MYH14: variants seen among roughly 807,000 people sequenced by gnomAD.
The protein encoded by MYH14 is myosin heavy chain 14, also known as myosin-14.
In MYH14, 123 loss-of-function variants were observed where a neutral mutation model predicts 255.5. The observed-to-expected ratio is 0.48, with a 90% CI of 0.42 to 0.56. MYH14 has a LOEUF of 0.56. MYH14 is among the 20% of genes least tolerant of loss of function. The pLI is 0.00. For synonymous variants in MYH14, 1,095 were observed against 1,161.2 expected (o/e 0.94, Z 1.16); for missense variants, 2,423 against 2,802.3 (o/e 0.86, Z 3.06).
chr19:50,275,873 G>A (rs2035484717), intron 27 of MYH14, 118 bp from the exon 28 acceptor site: 1 of 741,302 alleles, frequency 1.3e-6, no homozygotes, highest in Non-Finnish European at 2.2e-6. Flanking sequence ...GGCAGAGAGA[G>A]GATTCTAACC....
At position 50,224,168 on chromosome 19, in the gene MYH14, C is replaced by T. The variant is rs1011558475; in HGVS notation, c.708C>T (p.Thr236=). ...GACTTCCTCAGGCCTCCGTCAGCAC[C>T]GTGTCTTATGTGAGTAGCAGGGGAT... ...KEPGVPASVS[T]VSYGELERQL... is the part of the protein sequence containing the mutation. Residue 236 remains threonine (T), a synonymous_variant, in exon 6 of 43, where the codon ACC becomes ACT. Coordinates refer to ENST00000642316, the MANE Select transcript of MYH14 (RefSeq NM_001145809.2). 24 of 1,613,712 alleles carry T rather than the reference C, an allele frequency of 1.5e-5. No homozygotes were observed. Among genetic ancestry groups the T allele is most frequent in the Admixed American group, 1.7e-5 (1 of 59,964 alleles).
At chr19:50,301,900 G>A in intron 40 of MYH14, 31 bp downstream of exon 40, 1 of 1,554,416 alleles carries the variant, frequency 6.4e-7, no homozygotes, top group East Asian at 2.3e-5. Context: ...CAGGAGAAAG[G>A]TGACCTCCAC....
At position 50,267,623 on chromosome 19, in the gene MYH14, A is replaced by AAATAATAATAAT. The variant is rs56141769; in HGVS notation, c.2827-525_2827-514dup. ...TCGGCAGAGTGAGACTCTGTCTCAA[A>AAATAATAATAAT]AATAATAATAATAATAATAATAATG... On this transcript the variant is annotated intron_variant, in intron 23 of 42. Coordinates refer to ENST00000642316, the MANE Select transcript of MYH14 (RefSeq NM_001145809.2). 3.0e-3 allele frequency among the ~76,000 whole-genome samples: 443 copies of AAATAATAATAAT among 149,204 alleles called. 3 individuals are homozygous for AAATAATAATAAT. Among genetic ancestry groups the AAATAATAATAAT allele is most frequent in the South Asian group, 0.027 (127 of 4,634 alleles).
In MYH14 at chr19:50,301,661, G is replaced by A. The variant is rs1383894963; in HGVS notation, c.5470G>A (p.Val1824Ile). The A allele has an allele frequency of 6.2e-7, 1 of 1,611,886 alleles. No homozygotes were observed. The highest frequency in any genetic ancestry group is 1.7e-5 in the Admixed American group (1 of 59,966). ...ATCCTTCCTTCCCCTCCTGCTACAG[G>A]TAGAGTCACTGACCACAGAGCTGTC... ...NDRYRKLLLQ[V>I]ESLTTELSAE... Residue 1824 changes from valine (V) to isoleucine (I), a missense_variant and splice_region_variant, in exon 40 of 43, where the codon GTA becomes ATA. This residue lies in a region of MYH14 where 1,513 missense variants were observed against 1,674.8 expected (regional missense o/e 0.90). Transcript: ENST00000642316.
Position 50,252,824 on chromosome 19 carries a change from AC to A in MYH14, c.1945+73del, listed in dbSNP as rs2123319541. The A allele has an allele frequency of 1.8e-6, 2 of 1,139,610 alleles. No individual in the cohort carries two copies. The highest frequency in any genetic ancestry group is 2.8e-5 in the South Asian group (2 of 71,412). The allele number at this position is 1,139,610 out of a possible 1,614,324, so 70.6% of individuals were successfully genotyped here. On this transcript the variant is annotated intron_variant, in intron 16 of 42. Coordinates refer to ENST00000642316, the MANE Select transcript of MYH14 (RefSeq NM_001145809.2). The surrounding 1 kb of genome is among the most constrained non-coding windows in gnomAD (Gnocchi z 4.2). Reference sequence around the variant, plus strand: ...CATTCTCCAAATCCACAGCGTGAGCACCTTTGTTTCAGAGGCGGAGGTCTGA... The same window carrying A: ...CATTCTCCAAATCCACAGCGTGAGCACTTTGTTTCAGAGGCGGAGGTCTGA...
At chr19:50,292,132 T>C in intron 36 of MYH14, 129 bp from the exon 37 acceptor site, 1 of 942,098 alleles carries the variant, frequency 1.1e-6, no homozygotes, top group Non-Finnish European at 1.5e-6. Flanking sequence ...AGCCCAGGTC[T>C]GCAGGGTTCG....
intron 22 of MYH14, among the ~76,000 whole-genome samples, chr19:50,265,362 AAC>A (rs1555770055): frequency 6.6e-6 from 1 of 151,648 alleles, no homozygotes; most frequent in East Asian, 1.9e-4. Context: ...AAAAAAAAAA[AAC>A]AAAAACAAAA....
At chr19:50,253,631 C>T (rs529553227) in intron 16 of MYH14, among the ~76,000 whole-genome samples, 80 of 152,144 alleles carry the variant, frequency 5.3e-4, no homozygotes, top group African/African-American at 1.7e-3. Flanking sequence ...CTTTCCTGCC[C>T]CCAAAAGGCC....
Position 50,293,585 on chromosome 19 carries a change from G to A in MYH14, c.5367G>A (p.Lys1789=), listed in dbSNP as rs756939986. 1 of 1,613,266 alleles carries A rather than the reference G, an allele frequency of 6.2e-7. No homozygotes were observed. The highest frequency in any genetic ancestry group is 1.1e-5 in the South Asian group (1 of 90,994). ...NLSKAAILEE[K]RQLEGRLGQL... ...CTAGGGCAGCCATTCTGGAGGAGAA[G>A]CGTCAGCTGGAGGGGCGCCTGGGGC... Residue 1789 remains lysine, a synonymous_variant, in exon 39 of 43, where the codon AAG becomes AAA. Coordinates refer to ENST00000642316, the MANE Select transcript of MYH14 (RefSeq NM_001145809.2). The surrounding 1 kb of genome is among the most constrained non-coding windows in gnomAD (Gnocchi z 4.1).
intron 40 of MYH14, among the ~76,000 whole-genome samples, chr19:50,304,870 T>C (rs1472927437): frequency 6.6e-6 from 1 of 152,108 alleles, no homozygotes; most frequent in Non-Finnish European, 1.5e-5. Flanking sequence ...CTGACAAGAA[T>C]GGGATTTCCA....
chr19:50,268,361 C>A lies in MYH14; in HGVS notation c.3027C>A (p.His1009Gln). 1 of 1,567,958 alleles carries A rather than the reference C, an allele frequency of 6.4e-7. No individual in the cohort carries two copies. The highest frequency in any genetic ancestry group is 1.2e-5 in the South Asian group (1 of 84,940). Residue 1009 changes from histidine to glutamine, a missense_variant, in exon 24 of 43, where the codon CAC becomes CAA. Physicochemically the swap from His to Gln is conservative, Grantham distance 24. This residue lies in a region of MYH14 where 1,513 missense variants were observed against 1,674.8 expected (regional missense o/e 0.90). Coordinates refer to ENST00000642316, the MANE Select transcript of MYH14 (RefSeq NM_001145809.2). ...MQTEKKRLQQHIQELEAHLEA... is the reference protein window; with the variant it reads ...MQTEKKRLQQQIQELEAHLEA... ...CCGAGAAGAAGAGGCTGCAGCAGCACATACAGGTCTGGCCCCTTGCATGCC... is the reference window on the plus strand; with the variant it reads ...CCGAGAAGAAGAGGCTGCAGCAGCAAATACAGGTCTGGCCCCTTGCATGCC...
At chr19:50,302,113 T>TAAA (rs765650409) in intron 40 of MYH14, among the ~76,000 whole-genome samples, 4 of 54,620 alleles carry the variant, frequency 7.3e-5, no homozygotes, top group African/African-American at 2.3e-4. Context: ...ACCTCATCTC[T>TAAA]AAAAAAAAAA....
At chr19:50,271,364 A>G (rs2035292760) in intron 24 of MYH14, 45 bp from the exon 25 acceptor site, 36 of 1,571,592 alleles carry the variant, frequency 2.3e-5, no homozygotes, top group Non-Finnish European at 3.0e-5. Flanking sequence ...ATCACACTCC[A>G]TCTATTGGCC....
Position 50,280,342 on chromosome 19 carries a change from A to G in MYH14, c.4249A>G (p.Arg1417Gly). Residue 1417 changes from arginine to glycine, a missense_variant, in exon 32 of 43, where the codon AGG (arginine) becomes GGG (glycine). Physicochemically the swap from Arg to Gly is moderately radical, Grantham distance 125. This residue lies in a region of MYH14 where 1,513 missense variants were observed against 1,674.8 expected (regional missense o/e 0.90). Coordinates refer to ENST00000642316, the MANE Select transcript of MYH14 (RefSeq NM_001145809.2). This position sits in a 1 kb window ranked among gnomAD's most constrained non-coding sequence, Gnocchi z 4.8. Reference sequence around the variant, plus strand: ...GCAGCTGGAGGAGGAGGCAGCTGCCAGGGAACGGGCGGGCCGTGAACTGCA... The same window carrying G: ...GCAGCTGGAGGAGGAGGCAGCTGCCGGGGAACGGGCGGGCCGTGAACTGCA... ...REQLEEEAAA[R>G]ERAGRELQTA... The G allele has an allele frequency of 1.3e-6, 2 of 1,548,740 alleles. No individual in the cohort carries two copies. Among genetic ancestry groups the G allele is most frequent in the Non-Finnish European group, 8.7e-7 (1 of 1,146,088 alleles).
chr19:50,237,487 G>A (rs1010307778), intron 10 of MYH14, among the ~76,000 whole-genome samples: 9 of 152,132 alleles, frequency 5.9e-5, no homozygotes, highest in African/African-American at 2.2e-4. Context: ...CACCACACCC[G>A]CTAACTTTTT....
intron 3 of MYH14, among the ~76,000 whole-genome samples, chr19:50,218,581 C>G (rs1430892279): frequency 2.0e-5 from 3 of 151,132 alleles, no homozygotes; most frequent in Non-Finnish European, 3.0e-5. Flanking sequence ...CTGGGAGACA[C>G]AGGGAGACTC....
At chr19:50,305,091 A>G (rs1445011068) in intron 40 of MYH14, among the ~76,000 whole-genome samples, 10 of 152,018 alleles carry the variant, frequency 6.6e-5, no homozygotes, top group Admixed American at 6.5e-4. Context: ...CCTGGGGGCA[A>G]TGGGGAGCCA....
At chr19:50,290,598 G>A (rs1262801455) in intron 35 of MYH14, among the ~76,000 whole-genome samples, 1 of 152,180 alleles carries the variant, frequency 6.6e-6, no homozygotes, top group African/African-American at 2.4e-5. Flanking sequence ...ACTTGGCCCT[G>A]GGGGCACTGG....
At chr19:50,205,454 G>T (rs1446773977) in intron 1 of MYH14, 2 of 152,332 alleles carry the variant, frequency 1.3e-5, no homozygotes, top group African/African-American at 4.8e-5. Flanking sequence ...GTGACGCGAC[G>T]GGGCCCCGCC....
Sources: allele counts gnomAD v4.1 joint callset (sites outside exome capture counted in the v4.1 genomes callset), GRCh38; gene constraint gnomAD v4.1.1; regional missense constraint gnomAD v4.1.1; non-coding constraint Gnocchi (gnomAD v3.1); transcripts MANE v1.5; gene names NCBI Gene and HGNC (gene_info 2026-07-23, HGNC 2026-07-21).